GADL1: variants seen among roughly 807,000 people sequenced by gnomAD.
GADL1 encodes the protein GAD like acidic amino acid decarboxylase 1.
In GADL1, 71 loss-of-function variants were observed where a neutral mutation model predicts 69.5. That is an observed-to-expected ratio of 1.02 (90% CI 0.84 to 1.25). The LOEUF (loss-of-function observed/expected upper bound fraction) is 1.25. Ranked by LOEUF, GADL1 falls within the 50% of genes most tolerant of loss-of-function variation. The probability of loss-of-function intolerance (pLI) is 0.00; values close to 1 mark genes in which losing one functional copy is unlikely to be tolerated. For synonymous variants in GADL1, 254 were observed against 214.4 expected (o/e 1.18, Z -1.62); for missense variants, 737 against 631.8 (o/e 1.17, Z -1.79).
intron 14 of GADL1, among the ~76,000 whole-genome samples, chr3:30,755,473 C>T (rs1342927808): frequency 1.3e-5 from 2 of 152,184 alleles, no homozygotes; most frequent in Admixed American, 6.5e-5. Context: ...AAAAATATTA[C>T]AGTAACCTGA....
chr3:30,838,298 G>A lies in GADL1; in HGVS notation c.903+699C>T, dbSNP rs145868610. ...AAAGCTCCACAAGTGTTCATAGTTG[G>A]CTGAATTCAGCATTCTAACCCGGGA... On this transcript the variant is annotated intron_variant, in intron 9 of 14. Coordinates refer to ENST00000282538, the MANE Select transcript of GADL1 (RefSeq NM_207359.3). 7.9e-3 allele frequency among the ~76,000 whole-genome samples: 1,202 copies of A among 152,168 alleles called. 11 individuals are homozygous for A. Among genetic ancestry groups the A allele is most frequent in the African/African-American group, 0.028 (1,144 of 41,532 alleles).
Position 30,811,111 on chromosome 3 carries a change from C to T in GADL1, c.1051-10023G>A, listed in dbSNP as rs148863549. Among the ~76,000 whole-genome samples the T allele has an allele frequency of 8.0e-3, 1,216 of 152,170 alleles. 17 individuals carry two copies. The highest frequency in any genetic ancestry group is 0.028 in the African/African-American group (1,161 of 41,514). On this transcript the variant is annotated intron_variant, in intron 11 of 14. Coordinates refer to ENST00000282538, the MANE Select transcript of GADL1 (RefSeq NM_207359.3). ...GCTTTAAGTTTCAGGGCTGCAGACC[C>T]GTTAGGGATTTTCAGAGAACTGCTA...
intron 14 of GADL1, among the ~76,000 whole-genome samples, chr3:30,767,158 G>A (rs1473199308): frequency 2.0e-5 from 3 of 152,132 alleles, no homozygotes; most frequent in Non-Finnish European, 4.4e-5. Context: ...GAAAAGGAAA[G>A]CAAGTTTCAG....
chr3:30,774,686 T>C (rs1481104737), intron 14 of GADL1, among the ~76,000 whole-genome samples: 2 of 152,200 alleles, frequency 1.3e-5, no homozygotes, highest in Non-Finnish European at 2.9e-5. Flanking sequence ...AAGTCTTATG[T>C]TGCCTTTTAC....
At chr3:30,761,456 C>CT (rs1383391127) in intron 14 of GADL1, among the ~76,000 whole-genome samples, 2 of 147,308 alleles carry the variant, frequency 1.4e-5, no homozygotes, top group African/African-American at 5.0e-5. Context: ...AGTCAATTAA[C>CT]TACAGAACCT....
At chr3:30,767,280 A>T (rs304830) in intron 14 of GADL1, among the ~76,000 whole-genome samples, 2 of 152,038 alleles carry the variant, frequency 1.3e-5, no homozygotes, top group Non-Finnish European at 2.9e-5. Flanking sequence ...TAACTTAAAG[A>T]GTTCTAAAAC....
intron 1 of GADL1, among the ~76,000 whole-genome samples, chr3:30,876,097 T>C (rs1698573109): frequency 1.3e-5 from 2 of 152,004 alleles, no homozygotes; most frequent in Non-Finnish European, 2.9e-5. Context: ...CTATAATACA[T>C]TCCATATTCT....
At chr3:30,729,922 C>T (rs979924458) in intron 14 of GADL1, among the ~76,000 whole-genome samples, 2 of 152,000 alleles carry the variant, frequency 1.3e-5, no homozygotes, top group African/African-American at 2.4e-5. Flanking sequence ...AAGTTTCTTA[C>T]ATTATCACAA....
chr3:30,734,720 T>C (rs1695515423), intron 14 of GADL1, among the ~76,000 whole-genome samples: 1 of 152,214 alleles, frequency 6.6e-6, no homozygotes, highest in Non-Finnish European at 1.5e-5. Context: ...GAAGCTTTTC[T>C]TTGTATTTCC....
chr3:30,856,553 C>T (rs1337304526), intron 3 of GADL1, among the ~76,000 whole-genome samples: 6 of 152,186 alleles, frequency 3.9e-5, no homozygotes, highest in South Asian at 2.1e-4. Flanking sequence ...CAATTACCAA[C>T]TGCCAAGAGT....
chr3:30,844,912 CAT>C (rs1026634144), intron 6 of GADL1, among the ~76,000 whole-genome samples: 40 of 152,274 alleles, frequency 2.6e-4, no homozygotes, highest in African/African-American at 9.6e-4. Flanking sequence ...TGATGCTCCT[CAT>C]AAGACTTAGT....
chr3:30,886,888 C>A (rs1698718062), intron 1 of GADL1, among the ~76,000 whole-genome samples: 1 of 151,324 alleles, frequency 6.6e-6, no homozygotes, highest in African/African-American at 2.5e-5. Flanking sequence ...ATGCAGTCTG[C>A]TACTTCTTTC....
intron 11 of GADL1, among the ~76,000 whole-genome samples, chr3:30,804,136 T>G (rs544637284): frequency 6.6e-6 from 1 of 152,332 alleles, no homozygotes; most frequent in Admixed American, 6.5e-5. Context: ...TAGGCTTTTG[T>G]ATATTTAAAA....
intron 12 of GADL1, chr3:30,799,540 T>C (rs1323300918): frequency 6.6e-6 from 1 of 152,216 alleles, no homozygotes; most frequent in African/African-American, 2.4e-5. Flanking sequence ...GGGACTGCCA[T>C]GAAGACCTAT....
intron 1 of GADL1, among the ~76,000 whole-genome samples, chr3:30,875,889 A>G (rs987837953): frequency 6.6e-6 from 1 of 151,876 alleles, no homozygotes; most frequent in African/African-American, 2.4e-5. Flanking sequence ...ACACACAAGA[A>G]AAAGCTTCTC....
intron 12 of GADL1, among the ~76,000 whole-genome samples, chr3:30,786,924 T>C (rs1431432098): frequency 1.3e-5 from 2 of 152,134 alleles, no homozygotes; most frequent in Non-Finnish European, 2.9e-5. Flanking sequence ...AGGCTGATTA[T>C]CCTCAGCAAA....
intron 1 of GADL1, among the ~76,000 whole-genome samples, chr3:30,879,457 C>A (rs1393395592): frequency 1.3e-5 from 2 of 151,902 alleles, no homozygotes; most frequent in Non-Finnish European, 2.9e-5. Flanking sequence ...CTCTCCCTCT[C>A]TATCCTACTT....
At chr3:30,833,103 G>T (rs1697818348) in intron 11 of GADL1, among the ~76,000 whole-genome samples, 1 of 152,048 alleles carries the variant, frequency 6.6e-6, no homozygotes, top group Non-Finnish European at 1.5e-5. Context: ...AGAAAAAAAT[G>T]TAAACAGATG....
chr3:30,872,165 T>A (rs1032841283), intron 1 of GADL1, among the ~76,000 whole-genome samples: 12 of 151,950 alleles, frequency 7.9e-5, no homozygotes, highest in Non-Finnish European at 1.8e-4. Context: ...CTTATGCAAT[T>A]GGGCTCCATG....
Sources: gnomAD v4.1 joint callset for allele counts (sites outside exome capture counted in the v4.1 genomes callset) on GRCh38, gnomAD v4.1.1 for gene constraint, MANE v1.5 for transcripts, NCBI Gene and HGNC (gene_info 2026-07-23, HGNC 2026-07-21) for gene names.